THSD4: variants seen among roughly 807,000 people sequenced by gnomAD.
The protein encoded by THSD4 is thrombospondin type 1 domain containing 4.
A neutral mutation model predicts 119.0 loss-of-function variants in THSD4; 69 were observed. The observed-to-expected ratio is 0.58, with a 90% CI of 0.48 to 0.71. THSD4 has a LOEUF of 0.71. THSD4 is among the 30% of genes least tolerant of loss of function. THSD4 has a pLI of 0.00. For missense variants in THSD4, 1,393 were observed against 1,391.1 expected (o/e 1.00, Z -0.02); for synonymous variants, 524 against 540.4 (o/e 0.97, Z 0.42).
At chr15:71,715,767 G>C (rs1249623979) in intron 8 of THSD4, among the ~76,000 whole-genome samples, 1 of 104,518 alleles carries the variant, frequency 9.6e-6, no homozygotes, top group African/African-American at 2.8e-5. Flanking sequence ...TTTGGAATTA[G>C]GCTCTGGGTT....
At chr15:71,327,241 G>A (rs944747976) in intron 6 of THSD4, among the ~76,000 whole-genome samples, 7 of 151,922 alleles carry the variant, frequency 4.6e-5, no homozygotes, top group African/African-American at 1.5e-4. Context: ...ATTGTTCATG[G>A]TGGCCTTTTC....
chr15:71,219,470 C>T lies in THSD4; in HGVS notation c.464+4071C>T, dbSNP rs182106950. Reference sequence around the variant, plus strand: ...CTTGTTAAAAAGAGAGTTGCCAAGTCCCCACCATCTCCCATGCCTAATGGG... The same window carrying T: ...CTTGTTAAAAAGAGAGTTGCCAAGTTCCCACCATCTCCCATGCCTAATGGG... On this transcript the variant is annotated intron_variant, in intron 4 of 17. Coordinates refer to ENST00000261862, the MANE Select transcript of THSD4 (RefSeq NM_024817.3). Among the ~76,000 whole-genome samples the T allele has an allele frequency of 3.6e-3, 548 of 152,270 alleles. 10 individuals carry two copies. Among genetic ancestry groups the T allele is most frequent in the Admixed American group, 0.034 (522 of 15,298 alleles).
chr15:71,417,054 T>C, intron 7 of THSD4, among the ~76,000 whole-genome samples: 1 of 109,002 alleles, frequency 9.2e-6, no homozygotes. Context: ...CCACTGCACC[T>C]GGCCCTGCCC....
intron 6 of THSD4, among the ~76,000 whole-genome samples, chr15:71,342,111 T>G (rs1438989429): frequency 6.7e-6 from 1 of 149,900 alleles, no homozygotes; most frequent in African/African-American, 2.5e-5. Flanking sequence ...TGATACATCC[T>G]TTGATTGACT....
chr15:71,363,842 GTAAC>G (rs2140423895), intron 6 of THSD4, among the ~76,000 whole-genome samples: 1 of 152,284 alleles, frequency 6.6e-6, no homozygotes, highest in East Asian at 1.9e-4. Flanking sequence ...GAGTTGTAAA[GTAAC>G]TCAGTTAAAG....
chr15:71,294,716 A>G (rs1162177848), intron 6 of THSD4, among the ~76,000 whole-genome samples: 3 of 152,146 alleles, frequency 2.0e-5, no homozygotes. Flanking sequence ...CAAGGCCCAA[A>G]CGATTACCAA....
At chr15:71,506,259 C>G (rs987259756) in intron 7 of THSD4, among the ~76,000 whole-genome samples, 21 of 151,904 alleles carry the variant, frequency 1.4e-4, no homozygotes, top group Admixed American at 1.2e-3. Flanking sequence ...TGGTTTTTTT[C>G]CTTCTGTAAT....
chr15:71,679,346 G>T (rs2051721415), intron 8 of THSD4, among the ~76,000 whole-genome samples: 1 of 152,180 alleles, frequency 6.6e-6, no homozygotes, highest in Non-Finnish European at 1.5e-5. Flanking sequence ...AATATCTTGG[G>T]CTTTGCAGGC....
intron 6 of THSD4, among the ~76,000 whole-genome samples, chr15:71,260,816 CT>C (rs2044387405): frequency 6.6e-6 from 1 of 152,132 alleles, no homozygotes; most frequent in African/African-American, 2.4e-5. Flanking sequence ...AAAGGTACCC[CT>C]AGGCCAGGTG....
chr15:71,141,706 T>C (rs1429754114), intron 2 of THSD4, 150 bp downstream of exon 2: 1 of 949,654 alleles, frequency 1.1e-6, no homozygotes, highest in Non-Finnish European at 1.5e-6. Context: ...AAAAGTTTGC[T>C]ATTCAGAAGG....
At position 71,781,495 on chromosome 15, in the gene THSD4, A is replaced by G. The variant is rs1018178294; in HGVS notation, c.*4121A>G. 2.6e-5 allele frequency: 4 copies of G among 152,294 alleles called. No individual in the cohort carries two copies. Among genetic ancestry groups the G allele is most frequent in the African/African-American group, 7.2e-5 (3 of 41,430 alleles). The allele number at this position is 152,294 out of a possible 1,614,324, so 9.4% of individuals were successfully genotyped here. ...GAACCATACTTTAAGAAGAAAACCGATCATCTATAATAACATCAGTTTATC... is the reference window on the plus strand; with the variant it reads ...GAACCATACTTTAAGAAGAAAACCGGTCATCTATAATAACATCAGTTTATC... On this transcript the variant is annotated 3_prime_UTR_variant, in exon 18 of 18. Transcript: ENST00000261862.
intron 3 of THSD4, among the ~76,000 whole-genome samples, chr15:71,188,093 T>A (rs1021084073): frequency 1.3e-5 from 2 of 152,174 alleles, no homozygotes; most frequent in African/African-American, 4.8e-5. Context: ...GTCTGTCAAG[T>A]GTTCATAAGA....
chr15:71,338,762 G>C (rs1258630206), intron 6 of THSD4, among the ~76,000 whole-genome samples: 1 of 152,160 alleles, frequency 6.6e-6, no homozygotes, highest in Non-Finnish European at 1.5e-5. Flanking sequence ...TGGGAGGTAA[G>C]AGAAGGGGGA....
intron 6 of THSD4, among the ~76,000 whole-genome samples, chr15:71,321,895 C>G (rs920328036): frequency 6.6e-6 from 1 of 151,106 alleles, no homozygotes. Context: ...AAAAATTTTA[C>G]TTTCTTAAGA....
chr15:71,370,068 T>C (rs1238060975), intron 6 of THSD4, among the ~76,000 whole-genome samples: 1 of 152,126 alleles, frequency 6.6e-6, no homozygotes, highest in Non-Finnish European at 1.5e-5. Flanking sequence ...TTTTTTTGTG[T>C]AGAGGTGTTT....
chr15:71,241,733 A>G (rs1482597657), intron 4 of THSD4, among the ~76,000 whole-genome samples: 1 of 152,038 alleles, frequency 6.6e-6, no homozygotes, highest in African/African-American at 2.4e-5. Flanking sequence ...TGTCCTGCCC[A>G]CGTCCCCCGC....
chr15:71,561,883 C>A (rs1349642237), intron 7 of THSD4, among the ~76,000 whole-genome samples: 4 of 32,760 alleles, frequency 1.2e-4, no homozygotes, highest in African/African-American at 4.7e-4. Context: ...CACACACACA[C>A]ACACACACAC....
At chr15:71,594,623 G>C (rs2049872910) in intron 7 of THSD4, among the ~76,000 whole-genome samples, 2 of 152,090 alleles carry the variant, frequency 1.3e-5, no homozygotes, top group African/African-American at 4.8e-5. Context: ...TCTTCCCTGG[G>C]GTCTCAGCTG....
chr15:71,273,757 G>A (rs2044559806), intron 6 of THSD4, among the ~76,000 whole-genome samples: 2 of 152,208 alleles, frequency 1.3e-5, no homozygotes, highest in South Asian at 2.1e-4. Context: ...GTCAGAATCC[G>A]AGGAAGCAAG....
Sources: allele counts gnomAD v4.1 joint callset (sites outside exome capture counted in the v4.1 genomes callset), GRCh38; gene constraint gnomAD v4.1.1; transcripts MANE v1.5; gene names NCBI Gene and HGNC (gene_info 2026-07-23, HGNC 2026-07-21).